Variants in ANO6 observed in about 807,000 individuals in gnomAD.
ANO6 encodes the protein anoctamin 6.
A neutral mutation model predicts 117.5 loss-of-function variants in ANO6; 106 were observed. The ratio of observed to expected loss-of-function variants is 0.90; its 90% CI spans 0.77 to 1.06. The LOEUF (loss-of-function observed/expected upper bound fraction) is 1.06. ANO6 is among the 50% of genes least tolerant of loss of function. The probability of loss-of-function intolerance (pLI) is 0.00; values close to 1 mark genes in which losing one functional copy is unlikely to be tolerated. For synonymous variants in ANO6, 367 were observed against 385.1 expected (o/e 0.95, Z 0.55); for missense variants, 955 against 1,121.1 (o/e 0.85, Z 2.12).
chr12:45,350,550 G>T (rs1941252351), intron 6 of ANO6, 109 bp from the exon 7 acceptor site: 4 of 855,832 alleles, frequency 4.7e-6, no homozygotes, highest in Non-Finnish European at 7.7e-6. Flanking sequence ...TCCAGAAGGT[G>T]AGGACCCCTT....
In ANO6 at chr12:45,421,181, C is replaced by T; in HGVS notation, c.2328C>T (p.Ile776=). 1 of 1,614,176 alleles carries T rather than the reference C, an allele frequency of 6.2e-7. No homozygotes were observed. The highest frequency in any genetic ancestry group is 1.3e-5 in the African/African-American group (1 of 75,052). The change falls in exon 18 of 20, where the codon ATC becomes ATT. Residue 776 remains isoleucine (I), a synonymous_variant. Transcript: ENST00000320560. ...DHTSYTMEGY[I]NNTLSIFKVA... ...CTTCCTACACCATGGAAGGGTACATCAACAACACTCTCTCCATCTTCAAAG... is the reference window on the plus strand; with the variant it reads ...CTTCCTACACCATGGAAGGGTACATTAACAACACTCTCTCCATCTTCAAAG...
At chr12:45,399,267 C>T (rs150578459) in intron 12 of ANO6, among the ~76,000 whole-genome samples, 3 of 152,258 alleles carry the variant, frequency 2.0e-5, no homozygotes, top group African/African-American at 4.8e-5. Flanking sequence ...GTGGTCTCAG[C>T]TCACTGCAAC....
At position 45,421,269 on chromosome 12, in the gene ANO6, T is replaced by G; in HGVS notation, c.2416T>G (p.Cys806Gly). ...PYSDLGNHTTCRYRDFRYPPG... is the reference protein window; with the variant it reads ...PYSDLGNHTTGRYRDFRYPPG... ...CTCTGACCTGGGTAACCATACCACATGCAGGCAAGTTCTGCTTTACTTGTT... is the reference window on the plus strand; with the variant it reads ...CTCTGACCTGGGTAACCATACCACAGGCAGGCAAGTTCTGCTTTACTTGTT... Residue 806 changes from cysteine to glycine, a missense_variant, in exon 18 of 20, where the codon TGC (cysteine) becomes GGC (glycine). Physicochemically the swap from Cys to Gly is radical, Grantham distance 159. Coordinates refer to ENST00000320560, the MANE Select transcript of ANO6 (RefSeq NM_001025356.3). The G allele has an allele frequency of 6.2e-7, 1 of 1,614,010 alleles. No homozygotes were observed. The highest frequency in any genetic ancestry group is 8.5e-7 in the Non-Finnish European group (1 of 1,179,910).
chr12:45,221,835 C>T (rs1239638510), intron 1 of ANO6, among the ~76,000 whole-genome samples: 1 of 151,188 alleles, frequency 6.6e-6, no homozygotes, highest in Non-Finnish European at 1.5e-5. Flanking sequence ...TTTTAATTTT[C>T]CCCTCTGACC....
downstream of ANO6, among the ~76,000 whole-genome samples, chr12:45,436,963 T>A (rs937910925): frequency 7.9e-5 from 12 of 151,916 alleles, no homozygotes; most frequent in Admixed American, 3.3e-4. Flanking sequence ...TGAAACTCTG[T>A]CCAAAAAAAA....
At chr12:45,216,524 G>A in intron 1 of ANO6, 133 bp downstream of exon 1, 1 of 1,021,778 alleles carries the variant, frequency 9.8e-7, no homozygotes, top group Non-Finnish European at 1.4e-6. Context: ...GGGCAGGGGA[G>A]GAAGCCCGCT....
intron 2 of ANO6, among the ~76,000 whole-genome samples, chr12:45,308,052 T>TTTTTTTC (rs1939730918): frequency 8.8e-6 from 1 of 114,196 alleles, no homozygotes; most frequent in Non-Finnish European, 1.8e-5. Flanking sequence ...TGTGTAATTT[T>TTTTTTTC]TTTTTTTTTT....
chr12:45,433,271 G>A (rs147400021), downstream of ANO6, among the ~76,000 whole-genome samples: 42 of 152,328 alleles, frequency 2.8e-4, no homozygotes, highest in African/African-American at 9.6e-4. Flanking sequence ...AAACACCAGT[G>A]AGAGTGGCTG....
chr12:45,399,385 G>A (rs1197971721), intron 12 of ANO6, among the ~76,000 whole-genome samples: 1 of 151,934 alleles, frequency 6.6e-6, no homozygotes, highest in African/African-American at 2.4e-5. Context: ...TAGTACAGTC[G>A]GGGTTTCACC....
chr12:45,248,323 A>G (rs946323858), intron 1 of ANO6, among the ~76,000 whole-genome samples: 1 of 151,862 alleles, frequency 6.6e-6, no homozygotes, highest in Non-Finnish European at 1.5e-5. Context: ...GCCCTGCCCC[A>G]CTACTCAGTT....
intron 1 of ANO6, among the ~76,000 whole-genome samples, chr12:45,255,818 G>GGTTTTTTTTTT (rs749001458): frequency 1.2e-4 from 10 of 81,712 alleles, no homozygotes; most frequent in African/African-American, 4.5e-4. Context: ...CTCCCTGGGT[G>GGTTTTTTTTTT]TTTTTTTTTT....
intron 15 of ANO6, among the ~76,000 whole-genome samples, chr12:45,406,054 A>G (rs555786570): frequency 1.6e-3 from 242 of 152,326 alleles, no homozygotes; most frequent in Non-Finnish European, 3.0e-3. Context: ...ATGTTTCACC[A>G]CACATGTACC....
At chr12:45,301,854 A>T (rs991462345) in intron 1 of ANO6, among the ~76,000 whole-genome samples, 160 bp from the exon 2 acceptor site, 1 of 152,188 alleles carries the variant, frequency 6.6e-6, no homozygotes, top group African/African-American at 2.4e-5. Flanking sequence ...CAGCTGCTAC[A>T]TATTTTTTAA....
At chr12:45,282,114 T>C (rs1456064660) in intron 1 of ANO6, among the ~76,000 whole-genome samples, 1 of 152,124 alleles carries the variant, frequency 6.6e-6, no homozygotes, top group Non-Finnish European at 1.5e-5. Flanking sequence ...ATAAGGGGGG[T>C]TACCATTTAT....
At chr12:45,240,918 C>T (rs1012148511) in intron 1 of ANO6, among the ~76,000 whole-genome samples, 10 of 152,280 alleles carry the variant, frequency 6.6e-5, no homozygotes, top group South Asian at 4.1e-4. Flanking sequence ...CTGAGAGATG[C>T]GCTGTTTGTC....
At chr12:45,279,326 T>C (rs1938649511) in intron 1 of ANO6, among the ~76,000 whole-genome samples, 1 of 152,192 alleles carries the variant, frequency 6.6e-6, no homozygotes, top group South Asian at 2.1e-4. Context: ...GTATTTAGCT[T>C]TCTCCAATTG....
chr12:45,381,360 G>T (rs1942164008), intron 10 of ANO6, among the ~76,000 whole-genome samples: 1 of 152,206 alleles, frequency 6.6e-6, no homozygotes, highest in African/African-American at 2.4e-5. Context: ...GATTGCCAGA[G>T]AACAGAAGTG....
At chr12:45,216,604 G>T (rs1254561000) in intron 1 of ANO6, among the ~76,000 whole-genome samples, 1 of 152,238 alleles carries the variant, frequency 6.6e-6, no homozygotes, top group African/African-American at 2.4e-5. Flanking sequence ...GCGCGTGGTG[G>T]CCCCGAGGAC....
At chr12:45,260,600 C>T (rs1215279577) in intron 1 of ANO6, among the ~76,000 whole-genome samples, 1 of 152,132 alleles carries the variant, frequency 6.6e-6, no homozygotes, top group Non-Finnish European at 1.5e-5. Flanking sequence ...TTTCAGAGCT[C>T]TCTGGGATGC....
Sources: allele counts gnomAD v4.1 joint callset (sites outside exome capture counted in the v4.1 genomes callset), GRCh38; gene constraint gnomAD v4.1.1; transcripts MANE v1.5; gene names NCBI Gene and HGNC (gene_info 2026-07-23, HGNC 2026-07-21).